ALG14: variants seen among roughly 807,000 people sequenced by gnomAD.
ALG14 encodes UDP-N-acetylglucosamine transferase subunit ALG14.
ALG14 carries 17 observed loss-of-function variants against 22.8 expected under a neutral mutation model. That is an observed-to-expected ratio of 0.75 (90% CI 0.51 to 1.12). The LOEUF (loss-of-function observed/expected upper bound fraction) is 1.12, where lower values mean the gene tolerates loss of function less well. Ranked by LOEUF, ALG14 falls within the 50% of genes most tolerant of loss-of-function variation. The probability of loss-of-function intolerance (pLI) is 0.00; values close to 1 mark genes in which losing one functional copy is unlikely to be tolerated. For synonymous variants in ALG14, 89 were observed against 103.7 expected (o/e 0.86, Z 0.86); for missense variants, 288 against 271.8 (o/e 1.06, Z -0.42).
Position 95,044,882 on chromosome 1 carries a change from T to TA in ALG14, c.289-17623dup, listed in dbSNP as rs372248366. Among the ~76,000 whole-genome samples, 174 of 151,878 alleles carry TA rather than the reference T, an allele frequency of 1.1e-3. 1 individual carries two copies. Among genetic ancestry groups the TA allele is most frequent in the South Asian group, 6.0e-3 (29 of 4,796 alleles). The stretch of plus-strand genomic sequence containing the variant: ...CTGAATAAACAAAGTATTTTTTTTT[T>TA]AAAAAAAGCATTAGGATTCTGACAC... On this transcript the variant is annotated intron_variant, in intron 2 of 3. Transcript: ENST00000370205.
chr1:95,026,856 T>C (rs1418802648), intron 3 of ALG14, among the ~76,000 whole-genome samples: 1 of 152,088 alleles, frequency 6.6e-6, no homozygotes, highest in East Asian at 1.9e-4. Flanking sequence ...TGCTTTGTGA[T>C]AAAAGTCACA....
rs1672460779 is a variant in ALG14, at chr1:94,979,487, G to C, written c.*3589C>G. On this transcript the variant is annotated 3_prime_UTR_variant, in exon 4 of 4. Coordinates refer to ENST00000370205, the MANE Select transcript of ALG14 (RefSeq NM_144988.4). Reference sequence around the variant, plus strand: ...TTTTGTTGAAGAGCTGGCTTAGGTTGTAACTATGGGACTGAAAAGGAAAGG... The same window carrying C: ...TTTTGTTGAAGAGCTGGCTTAGGTTCTAACTATGGGACTGAAAAGGAAAGG... 1 of 151,756 alleles carries C rather than the reference G, an allele frequency of 6.6e-6. No individual in the cohort carries two copies. Among genetic ancestry groups the C allele is most frequent in the African/African-American group, 2.4e-5 (1 of 41,368 alleles). The allele number at this position is 151,756 out of a possible 1,614,324, so 9.4% of individuals were successfully genotyped here. A position where few individuals can be genotyped will look rare whatever the true frequency, so the allele number is the denominator to read the frequency against.
chr1:94,981,362 C>T lies in ALG14; in HGVS notation c.*1714G>A, dbSNP rs1160184839. 3 of 151,734 alleles carry T rather than the reference C, an allele frequency of 2.0e-5. No homozygotes were observed. The highest frequency in any genetic ancestry group is 4.4e-5 in the Non-Finnish European group (3 of 68,002). 9.4% of individuals were successfully genotyped at this position (151,734 alleles called of 1,614,324 possible). A position where few individuals can be genotyped will look rare whatever the true frequency, so the allele number is the denominator to read the frequency against. ...TCTCACCATTCTGAGACACCTTCGG[C>T]TACACATTTCTCCAGCCAAAAACCT... is the stretch of plus-strand genomic sequence containing the variant. On this transcript the variant is annotated 3_prime_UTR_variant, in exon 4 of 4. Coordinates refer to ENST00000370205, the MANE Select transcript of ALG14 (RefSeq NM_144988.4).
intron 3 of ALG14, among the ~76,000 whole-genome samples, chr1:95,013,930 A>T (rs1465511991): frequency 5.9e-5 from 2 of 34,022 alleles, no homozygotes; most frequent in Non-Finnish European, 9.5e-5. Flanking sequence ...CTTTTTTCTT[A>T]AAAAAAAAAA....
chr1:95,069,319 A>C (rs1198588333), intron 1 of ALG14, among the ~76,000 whole-genome samples: 1 of 152,128 alleles, frequency 6.6e-6, no homozygotes, highest in African/African-American at 2.4e-5. Context: ...AAAAACAAAA[A>C]CCAAAACAAA....
chr1:95,035,150 G>T (rs1044678368), intron 2 of ALG14, among the ~76,000 whole-genome samples: 4 of 152,116 alleles, frequency 2.6e-5, no homozygotes, highest in Non-Finnish European at 4.4e-5. Context: ...CAGTCAGCTG[G>T]GTTATATGTT....
intron 3 of ALG14, among the ~76,000 whole-genome samples, chr1:94,999,437 T>C (rs1372411810): frequency 6.7e-6 from 1 of 149,730 alleles, no homozygotes; most frequent in Non-Finnish European, 1.5e-5. Flanking sequence ...GGAGTATCTA[T>C]AACATCCTGG....
intron 3 of ALG14, among the ~76,000 whole-genome samples, chr1:94,999,471 CA>C (rs1673002809): frequency 6.6e-6 from 1 of 151,776 alleles, no homozygotes. Flanking sequence ...ATGCAGCCCC[CA>C]AATGTCCCCA....
chr1:95,057,589 C>A lies in ALG14; in HGVS notation c.288+7277G>T, dbSNP rs917983924. 8.7e-5 allele frequency among the ~76,000 whole-genome samples: 13 copies of A among 149,900 alleles called. 1 individual carries two copies. Among genetic ancestry groups the A allele is most frequent in the Admixed American group, 7.3e-4 (11 of 15,076 alleles). On this transcript the variant is annotated intron_variant, in intron 2 of 3. Coordinates refer to ENST00000370205, the MANE Select transcript of ALG14 (RefSeq NM_144988.4). ...GAAAATACATGCACACGCGCACACA[C>A]ACACAGATGGTCATTTCTCCTTAGA... is the stretch of plus-strand genomic sequence containing the variant.
chr1:95,013,605 C>T (rs1026067915), intron 3 of ALG14, among the ~76,000 whole-genome samples: 3 of 152,172 alleles, frequency 2.0e-5, no homozygotes, highest in African/African-American at 7.2e-5. Context: ...AGGCGTGAGC[C>T]AACGTGCCTG....
chr1:95,051,507 T>C (rs1674749089), intron 2 of ALG14, among the ~76,000 whole-genome samples: 2 of 152,216 alleles, frequency 1.3e-5, no homozygotes, highest in Admixed American at 1.3e-4. Flanking sequence ...AAAGTGATTC[T>C]GTCAGATCAT....
At chr1:95,045,669 CTAATAGAATTAGCATACTAT>C (rs1674523933) in intron 2 of ALG14, among the ~76,000 whole-genome samples, 3 of 136,358 alleles carry the variant, frequency 2.2e-5, no homozygotes, top group Non-Finnish European at 4.8e-5. Context: ...GAATGGTATA[CTAATAGAATTAGCATACTAT>C]ATACTAATAG....
At chr1:95,041,217 A>G (rs1674367114) in intron 2 of ALG14, among the ~76,000 whole-genome samples, 1 of 152,074 alleles carries the variant, frequency 6.6e-6, no homozygotes, top group African/African-American at 2.4e-5. Flanking sequence ...ACCTTTACCT[A>G]TAATTCAGTA....
At chr1:94,998,455 C>T (rs1672964122) in intron 3 of ALG14, among the ~76,000 whole-genome samples, 1 of 152,148 alleles carries the variant, frequency 6.6e-6, no homozygotes, top group Non-Finnish European at 1.5e-5. Flanking sequence ...GATAGAGGGA[C>T]ACTAACTTTA....
At chr1:95,048,330 G>A (rs1161684905) in intron 2 of ALG14, among the ~76,000 whole-genome samples, 1 of 152,180 alleles carries the variant, frequency 6.6e-6, no homozygotes, top group African/African-American at 2.4e-5. Context: ...TTTTTTAAAT[G>A]CAGGTTAAAA....
intron 3 of ALG14, among the ~76,000 whole-genome samples, chr1:95,020,946 T>G (rs1484804720): frequency 6.6e-6 from 1 of 152,182 alleles, no homozygotes; most frequent in Non-Finnish European, 1.5e-5. Flanking sequence ...GAATTTCACT[T>G]CAATTAAAGA....
chr1:95,006,557 G>C (rs1257999050), intron 3 of ALG14, among the ~76,000 whole-genome samples: 1 of 152,164 alleles, frequency 6.6e-6, no homozygotes, highest in Non-Finnish European at 1.5e-5. Flanking sequence ...ACTCATGGAG[G>C]AAGTATGAAA....
At chr1:95,015,718 C>T (rs529362866) in intron 3 of ALG14, among the ~76,000 whole-genome samples, 1 of 152,240 alleles carries the variant, frequency 6.6e-6, no homozygotes, top group African/African-American at 2.4e-5. Context: ...GCGATGGAGT[C>T]TGTGATGAAA....
intron 2 of ALG14, among the ~76,000 whole-genome samples, chr1:95,028,772 T>C (rs1040672320): frequency 6.6e-6 from 1 of 151,980 alleles, no homozygotes; most frequent in Non-Finnish European, 1.5e-5. Flanking sequence ...GCACTCCAGC[T>C]TGGGTGATAG....
Sources: allele counts gnomAD v4.1 joint callset (sites outside exome capture counted in the v4.1 genomes callset), GRCh38; gene constraint gnomAD v4.1.1; transcripts MANE v1.5; gene names NCBI Gene and HGNC (gene_info 2026-07-23, HGNC 2026-07-21).